Variants in UBR4 observed in about 807,000 individuals in gnomAD.
The protein encoded by UBR4 is ubiquitin protein ligase E3 component n-recognin 4.
UBR4 carries 124 observed loss-of-function variants against 575.6 expected under a neutral mutation model. That is an observed-to-expected ratio of 0.22 (90% CI 0.19 to 0.25). The LOEUF is 0.25. Ranked by LOEUF, UBR4 falls within the 10% of genes least tolerant of loss-of-function variation. The pLI, the probability that UBR4 is intolerant of heterozygous loss-of-function variation, is 1.00. For missense variants in UBR4, 4,818 were observed against 6,478.8 expected, an observed-to-expected ratio of 0.74 and a Z score of 8.80; for synonymous variants, 2,455 against 2,473.7, an observed-to-expected ratio of 0.99 and a Z score of 0.22.
At position 19,153,433 on chromosome 1, in the gene UBR4, A is replaced by G; in HGVS notation, c.6700T>C (p.Cys2234Arg). ...TAAATGCGCAGGCTGCCATCCTCACACAGCAGAATCATTGTTGTCCGCTGC... is the reference window on the plus strand; with the variant it reads ...TAAATGCGCAGGCTGCCATCCTCACGCAGCAGAATCATTGTTGTCCGCTGC... ...EQQRTTMILL[C>R]EDGSLRIYMA... The change falls in exon 46 of 106, where the codon TGT becomes CGT. Residue 2234 changes from cysteine (C) to arginine (R), a missense_variant. By Grantham distance (180) the Cys-to-Arg change is radical (BLOSUM62 -3). This residue lies in a region of UBR4 where 461 missense variants were observed against 606.9 expected (regional missense o/e 0.76). Coordinates refer to ENST00000375254, the MANE Select transcript of UBR4 (RefSeq NM_020765.3). The surrounding 1 kb of genome is among the most constrained non-coding windows in gnomAD (Gnocchi z 4.1). 6.2e-7 allele frequency: 1 copy of G among 1,614,146 alleles called. No homozygotes were observed.
chr1:19,199,055 A>G, intron 3 of UBR4, 127 bp from the exon 4 acceptor site: 2 of 1,075,966 alleles, frequency 1.9e-6, no homozygotes, highest in Non-Finnish European at 2.6e-6. Flanking sequence ...TAAAGCAAAG[A>G]CTGCAAGCTG....
chr1:19,081,658 C>T lies in UBR4; in HGVS notation c.15009-85G>A, dbSNP rs76171580. 1.8e-3 allele frequency: 2,707 copies of T among 1,468,802 alleles called. 43 individuals are homozygous for T. In the African/African-American group the frequency reaches 0.033, roughly 18 times the overall value. 91.0% of individuals were successfully genotyped at this position (1,468,802 alleles called of 1,614,324 possible). On this transcript the variant is annotated intron_variant, in intron 102 of 105. Coordinates refer to ENST00000375254, the MANE Select transcript of UBR4 (RefSeq NM_020765.3). ...AGCAGGAAGAATTTGCTCAATTTGT[C>T]GTTGTCTTGTGACATTTGCTGAACG...
intron 87 of UBR4, among the ~76,000 whole-genome samples, chr1:19,103,185 A>G (rs1314519061): frequency 6.6e-6 from 1 of 152,252 alleles, no homozygotes; most frequent in Non-Finnish European, 1.5e-5. Flanking sequence ...CCAAAATAAC[A>G]AACTGCAGAA....
Position 19,177,746 on chromosome 1 carries a change from A to G in UBR4, c.2355-3T>C, listed in dbSNP as rs2151051779. The G allele has an allele frequency of 2.5e-6, 4 of 1,610,744 alleles. No individual in the cohort carries two copies. The highest frequency in any genetic ancestry group is 3.4e-5 in the Admixed American group (2 of 59,692). On this transcript the variant is annotated splice_polypyrimidine_tract_variant and splice_region_variant and intron_variant, in intron 18 of 105. Coordinates refer to ENST00000375254, the MANE Select transcript of UBR4 (RefSeq NM_020765.3). ...TCTGCTTCATTGTAGACAAAAACCT[A>G]CCAGAGAGAAAAGATGACTATATCT...
Position 19,147,435 on chromosome 1 carries a change from T to C in UBR4, c.7630-435A>G, listed in dbSNP as rs187121150. Among the ~76,000 whole-genome samples the C allele has an allele frequency of 5.3e-5, 8 of 152,336 alleles. 1 individual carries two copies. Among genetic ancestry groups the C allele is most frequent in the African/African-American group, 1.4e-4 (6 of 41,578 alleles). Reference sequence around the variant, plus strand: ...GAAGCTAACCAAAGCTCTGGGTTGATGGCTCCTCTCAGAGCCTTCCTCCTC... The same window carrying C: ...GAAGCTAACCAAAGCTCTGGGTTGACGGCTCCTCTCAGAGCCTTCCTCCTC... On this transcript the variant is annotated intron_variant, in intron 51 of 105. Coordinates refer to ENST00000375254, the MANE Select transcript of UBR4 (RefSeq NM_020765.3).
In UBR4 at chr1:19,156,937, C is replaced by G; in HGVS notation, c.5761-12G>C. On this transcript the variant is annotated splice_polypyrimidine_tract_variant and intron_variant, in intron 40 of 105. Coordinates refer to ENST00000375254, the MANE Select transcript of UBR4 (RefSeq NM_020765.3). ...TGCAGAACGGTGATCTGCAAAGGAACAATGACTAATTTATTCCTACTCCTG... is the reference window on the plus strand; with the variant it reads ...TGCAGAACGGTGATCTGCAAAGGAAGAATGACTAATTTATTCCTACTCCTG... The G allele has an allele frequency of 6.2e-7, 1 of 1,610,972 alleles. No individual in the cohort carries two copies. Among genetic ancestry groups the G allele is most frequent in the Non-Finnish European group, 8.5e-7 (1 of 1,178,022 alleles).
In UBR4 at chr1:19,165,345, C is replaced by T; in HGVS notation, c.4216G>A (p.Glu1406Lys). 6.2e-7 allele frequency: 1 copy of T among 1,612,444 alleles called. No individual in the cohort carries two copies. Among genetic ancestry groups the T allele is most frequent in the Non-Finnish European group, 8.5e-7 (1 of 1,179,324 alleles). ...GTTGCCATCATGATCTGTACAAGTT[C>T]TCCACTGGGAGGCAAGATGGGAGAA... ...AMEEFFSDSG[E>K]LVQIMMATAN... The change falls in exon 31 of 106, where the codon GAA (glutamate) becomes AAA (lysine). Residue 1406 changes from glutamate to lysine, a missense_variant. Around this residue, in one of 29 missense-constraint regions of UBR4, gnomAD observed 1,172 missense variants for 1,259.7 expected, o/e 0.93. Coordinates refer to ENST00000375254, the MANE Select transcript of UBR4 (RefSeq NM_020765.3).
rs371938494 is a variant in UBR4 at position 19,168,035 on chromosome 1, A to C, written c.3891T>G (p.Asp1297Glu). The change falls in exon 28 of 106, where the codon GAT (aspartate) becomes GAG (glutamate). Residue 1297 changes from aspartate (D) to glutamate (E), a missense_variant. This residue lies in a region of UBR4 where 1,172 missense variants were observed against 1,259.7 expected (regional missense o/e 0.93). Coordinates refer to ENST00000375254, the MANE Select transcript of UBR4 (RefSeq NM_020765.3). ...TLLSLVRLTG[D>E]LIVWSDEMNP... Reference sequence around the variant, plus strand: ...AGGTAGTAGGTACTTACACAATAAGATCTCCAGTCAACCTGACCAGTGAGA... The same window carrying C: ...AGGTAGTAGGTACTTACACAATAAGCTCTCCAGTCAACCTGACCAGTGAGA... The C allele has an allele frequency of 2.1e-5, 34 of 1,611,920 alleles. No individual in the cohort carries two copies. In the African/African-American group the frequency reaches 3.3e-4, roughly 16 times the overall value.
chr1:19,156,174 G>C, intron 42 of UBR4, 97 bp downstream of exon 42: 5 of 1,515,406 alleles, frequency 3.3e-6, no homozygotes, highest in Non-Finnish European at 4.4e-6. Flanking sequence ...GCACCCAGCT[G>C]ATTTTTTTAA....
At chr1:19,184,199 GC>G (rs1557950701) in intron 15 of UBR4, 24 bp from the exon 16 acceptor site, 1 of 1,610,450 alleles carries the variant, frequency 6.2e-7, no homozygotes, top group East Asian at 2.2e-5. Context: ...ACACAAAAAA[GC>G]TCTTATCAGG....
At chr1:19,162,335 G>A (rs1326999079) in intron 35 of UBR4, 85 bp downstream of exon 35, 13 of 1,484,700 alleles carry the variant, frequency 8.8e-6, no homozygotes, top group South Asian at 4.1e-5. Flanking sequence ...GCTCACAGGA[G>A]GCTGGAAAAC....
At chr1:19,077,098 CCTT>C (rs2076020797) in intron 104 of UBR4, among the ~76,000 whole-genome samples, 196 bp from the exon 105 acceptor site, 1 of 152,170 alleles carries the variant, frequency 6.6e-6, no homozygotes, top group South Asian at 2.1e-4. Context: ...CTTAGGCCCT[CCTT>C]ATTAGGCACT....
intron 102 of UBR4, 33 bp from the exon 103 acceptor site, chr1:19,081,606 A>G (rs756735024): frequency 6.2e-7 from 1 of 1,612,618 alleles, no homozygotes; most frequent in South Asian, 1.1e-5. Flanking sequence ...AAATAAAAGC[A>G]GGGTGGAAGC....
chr1:19,194,291 G>A (rs1230082952), intron 8 of UBR4, among the ~76,000 whole-genome samples: 1 of 152,116 alleles, frequency 6.6e-6, no homozygotes, highest in Non-Finnish European at 1.5e-5. Flanking sequence ...AAGGGAGAAG[G>A]AGGATATGCG....
rs760491154 is a variant in UBR4 at position 19,105,070 on chromosome 1, T to C, written c.12623A>G (p.Tyr4208Cys). 4 of 1,613,942 alleles carry C rather than the reference T, an allele frequency of 2.5e-6. No individual in the cohort carries two copies. Among genetic ancestry groups the C allele is most frequent in the South Asian group, 2.2e-5 (2 of 91,066 alleles). Residue 4208 changes from tyrosine (Y) to cysteine (C), a missense_variant, in exon 85 of 106, where the codon TAT (tyrosine) becomes TGT (cysteine). Physicochemically the swap from Tyr to Cys is radical, Grantham distance 194. Coordinates refer to ENST00000375254, the MANE Select transcript of UBR4 (RefSeq NM_020765.3). Reference protein sequence around the residue: ...VYLAARGVLPYVGNLITKEIA... With the variant: ...VYLAARGVLPCVGNLITKEIA... ...TACCTTGGTGATGAGGTTGCCCACA[T>C]AGGGTAGGACTCCCCGAGCTGCCAA...
intron 48 of UBR4, chr1:19,151,077 C>G (rs1447300023): frequency 1.9e-5 from 9 of 480,042 alleles, no homozygotes; most frequent in Non-Finnish European, 1.9e-5. Flanking sequence ...TATCCCCTAC[C>G]CCTCACTCCC....
At chr1:19,177,373 G>C (rs2090380768) in intron 19 of UBR4, 88 bp downstream of exon 19, 3 of 1,525,358 alleles carry the variant, frequency 2.0e-6, no homozygotes, top group Non-Finnish European at 2.7e-6. Context: ...AAAGTGGGTA[G>C]GTCATTTGGG....
At chr1:19,131,734 G>A (rs550188086) in intron 60 of UBR4, among the ~76,000 whole-genome samples, 88 of 152,300 alleles carry the variant, frequency 5.8e-4, no homozygotes, top group African/African-American at 1.9e-3. Context: ...TTAGCCGGGC[G>A]TGGTCACGCA....
intron 44 of UBR4, among the ~76,000 whole-genome samples, 169 bp downstream of exon 44, chr1:19,154,749 C>G (rs1473175732): frequency 1.3e-5 from 2 of 152,138 alleles, no homozygotes; most frequent in Non-Finnish European, 2.9e-5. Flanking sequence ...CCCAACCTGC[C>G]AAACCCGGAT....
Sources: allele counts gnomAD v4.1 joint callset (sites outside exome capture counted in the v4.1 genomes callset), GRCh38; gene constraint gnomAD v4.1.1; regional missense constraint gnomAD v4.1.1; non-coding constraint Gnocchi (gnomAD v3.1); transcripts MANE v1.5; gene names NCBI Gene and HGNC (gene_info 2026-07-23, HGNC 2026-07-21).